The following SPOCK3 variants were observed in gnomAD, a reference collection of about 807,000 sequenced individuals.
The protein encoded by SPOCK3 is SPARC (osteonectin), cwcv and kazal like domains proteoglycan 3, also known as testican-3.
In SPOCK3, 30 loss-of-function variants were observed where a neutral mutation model predicts 56.6. That is an observed-to-expected ratio of 0.53 (90% CI 0.40 to 0.72). SPOCK3 has a LOEUF of 0.72. Ranked by LOEUF, SPOCK3 falls within the 30% of genes least tolerant of loss-of-function variation. The pLI, the probability that SPOCK3 is intolerant of heterozygous loss-of-function variation, is 0.00. For synonymous variants in SPOCK3, 196 were observed against 183.3 expected, an observed-to-expected ratio of 1.07 and a Z score of -0.56; for missense variants, 527 against 530.0, an observed-to-expected ratio of 0.99 and a Z score of 0.06.
At chr4:166,838,413 C>T (rs1746856168) in intron 6 of SPOCK3, among the ~76,000 whole-genome samples, 1 of 151,850 alleles carries the variant, frequency 6.6e-6, no homozygotes, top group South Asian at 2.1e-4. Flanking sequence ...AATTTTATTA[C>T]TCTATCTTTA....
At chr4:166,842,994 G>A (rs540462719) in intron 6 of SPOCK3, among the ~76,000 whole-genome samples, 72 of 152,350 alleles carry the variant, frequency 4.7e-4, no homozygotes, top group Admixed American at 2.6e-3. Flanking sequence ...GAGGCCCGGC[G>A]AGAATTCGAG....
At chr4:167,073,334 A>G (rs1756872366) in intron 2 of SPOCK3, among the ~76,000 whole-genome samples, 1 of 151,852 alleles carries the variant, frequency 6.6e-6, no homozygotes, top group Non-Finnish European at 1.5e-5. Context: ...CAACAAAAAT[A>G]CAGTGCTGTT....
chr4:167,103,433 A>G (rs1230074006), intron 2 of SPOCK3, among the ~76,000 whole-genome samples: 1 of 152,108 alleles, frequency 6.6e-6, no homozygotes, highest in Non-Finnish European at 1.5e-5. Flanking sequence ...TGAGCCTTTT[A>G]GCCTATGGGA....
chr4:166,792,262 A>G lies in SPOCK3; in HGVS notation c.617T>C (p.Val206Ala), dbSNP rs1276300901. Reference sequence around the variant, plus strand: ...GAACCAGTCCCGCAATCTGTTTGCCACTTCCCTGAACTCCAGGTCACTGCA... The same window carrying G: ...GAACCAGTCCCGCAATCTGTTTGCCGCTTCCCTGAACTCCAGGTCACTGCA... ...RACSDLEFRE[V>A]ANRLRDWFKA... Residue 206 changes from valine (V) to alanine (A), a missense_variant, in exon 7 of 11, where the codon GTG becomes GCG. Physicochemically the swap from Val to Ala is moderately conservative, Grantham distance 64. Transcript: ENST00000357545. The G allele has an allele frequency of 1.2e-6, 2 of 1,613,858 alleles. No homozygotes were observed. The highest frequency in any genetic ancestry group is 1.7e-6 in the Non-Finnish European group (2 of 1,179,816).
intron 4 of SPOCK3, among the ~76,000 whole-genome samples, chr4:166,955,851 A>T (rs1743397908): frequency 6.6e-6 from 1 of 151,794 alleles, no homozygotes; most frequent in African/African-American, 2.4e-5. Flanking sequence ...GAGGAGCAGG[A>T]TAGATGTCCC....
chr4:167,064,821 G>C (rs946572715), intron 2 of SPOCK3, among the ~76,000 whole-genome samples: 1 of 151,630 alleles, frequency 6.6e-6, no homozygotes, highest in Non-Finnish European at 1.5e-5. Context: ...ATTGGGATTA[G>C]TTATCAAATG....
At chr4:166,750,387 C>T (rs1010654956) in intron 8 of SPOCK3, among the ~76,000 whole-genome samples, 3 of 152,042 alleles carry the variant, frequency 2.0e-5, no homozygotes, top group African/African-American at 7.2e-5. Context: ...GACATGGATT[C>T]ATCTCATAAG....
At chr4:166,753,005 A>C (rs1736621300) in intron 8 of SPOCK3, among the ~76,000 whole-genome samples, 1 of 151,974 alleles carries the variant, frequency 6.6e-6, no homozygotes, top group Non-Finnish European at 1.5e-5. Flanking sequence ...CTACAATTTA[A>C]ATGAAACATA....
chr4:166,986,129 T>C (rs1022527927), intron 4 of SPOCK3, among the ~76,000 whole-genome samples: 2 of 152,306 alleles, frequency 1.3e-5, no homozygotes, highest in Admixed American at 1.3e-4. Context: ...AAGCAAAACA[T>C]CTCAATGTCA....
intron 4 of SPOCK3, among the ~76,000 whole-genome samples, chr4:166,999,473 T>C (rs961345093): frequency 6.6e-6 from 1 of 152,180 alleles, no homozygotes; most frequent in Non-Finnish European, 1.5e-5. Context: ...GTGTGTTTAA[T>C]AGAATTTATA....
intron 6 of SPOCK3, among the ~76,000 whole-genome samples, chr4:166,888,923 C>T (rs1409284260): frequency 6.6e-6 from 1 of 151,848 alleles, no homozygotes; most frequent in Non-Finnish European, 1.5e-5. Context: ...CTAGTTATTA[C>T]TATCAAAATA....
At chr4:166,897,231 G>A (rs991656887) in intron 5 of SPOCK3, among the ~76,000 whole-genome samples, 2 of 151,974 alleles carry the variant, frequency 1.3e-5, no homozygotes, top group Admixed American at 1.3e-4. Context: ...AATATTAATA[G>A]AATTGCCCTA....
At chr4:167,116,688 CACAT>C (rs1394196530) in intron 2 of SPOCK3, among the ~76,000 whole-genome samples, 2 of 123,136 alleles carry the variant, frequency 1.6e-5, no homozygotes, top group African/African-American at 2.9e-5. Flanking sequence ...TATATATACA[CACAT>C]ATAGTATATA....
intron 4 of SPOCK3, among the ~76,000 whole-genome samples, chr4:166,931,261 C>G (rs534447072): frequency 6.6e-6 from 1 of 150,744 alleles, no homozygotes; most frequent in African/African-American, 2.4e-5. Flanking sequence ...GGATTTCAGG[C>G]GTGAGCCACC....
intron 4 of SPOCK3, among the ~76,000 whole-genome samples, chr4:166,962,481 C>A (rs1043973469): frequency 1.3e-5 from 2 of 151,972 alleles, no homozygotes; most frequent in South Asian, 4.2e-4. Flanking sequence ...GTGTTTGTAT[C>A]GTGATATTCA....
At position 166,784,210 on chromosome 4, in the gene SPOCK3, C is replaced by T. The variant is rs138634525; in HGVS notation, c.709+7960G>A. Among the ~76,000 whole-genome samples, 424 of 152,122 alleles carry T rather than the reference C, an allele frequency of 2.8e-3. 3 individuals are homozygous for T. Among genetic ancestry groups the T allele is most frequent in the African/African-American group, 9.7e-3 (402 of 41,518 alleles). On this transcript the variant is annotated intron_variant, in intron 7 of 10. Coordinates refer to ENST00000357545, the MANE Select transcript of SPOCK3 (RefSeq NM_001040159.2). ...TTCCTAAAGAAAGAATAAAGGATAACCAAAAGTTTGGTTCCTAGCAGATCC... is the reference window on the plus strand; with the variant it reads ...TTCCTAAAGAAAGAATAAAGGATAATCAAAAGTTTGGTTCCTAGCAGATCC...
chr4:167,203,840 A>C (rs1475707747), intron 2 of SPOCK3, among the ~76,000 whole-genome samples: 1 of 152,146 alleles, frequency 6.6e-6, no homozygotes, highest in Non-Finnish European at 1.5e-5. Flanking sequence ...TTTTAGCTGC[A>C]TTGCCTAATA....
intron 7 of SPOCK3, among the ~76,000 whole-genome samples, chr4:166,755,751 A>G (rs1221159357): frequency 6.6e-6 from 1 of 152,126 alleles, no homozygotes; most frequent in African/African-American, 2.4e-5. Context: ...TCTAAGTGCA[A>G]TTCTCTCAGA....
At position 166,937,114 on chromosome 4, in the gene SPOCK3, G is replaced by T. The variant is rs529844169; in HGVS notation, c.351-24371C>A. 2.0e-5 allele frequency among the ~76,000 whole-genome samples: 3 copies of T among 152,060 alleles called. No homozygotes were observed. The East Asian group carries it at 5.8e-4, about 29-fold the overall frequency. On this transcript the variant is annotated intron_variant, in intron 4 of 10. Transcript: ENST00000357545. ...AGTTGAGATTTGCTTTACAACCCAA[G>T]TATTTGTCCTGGTCACAACAAAAGG...
Sources: gnomAD v4.1 joint callset for allele counts (sites outside exome capture counted in the v4.1 genomes callset) on GRCh38, gnomAD v4.1.1 for gene constraint, MANE v1.5 for transcripts, NCBI Gene and HGNC (gene_info 2026-07-23, HGNC 2026-07-21) for gene names.